LRFN2: variants seen among roughly 807,000 people sequenced by gnomAD.
The protein encoded by LRFN2 is leucine rich repeat and fibronectin type III domain containing 2.
Under a neutral mutation model 37.3 loss-of-function variants are expected in LRFN2, and 18 were observed. The ratio of observed to expected loss-of-function variants is 0.48; its 90% CI spans 0.33 to 0.72. LRFN2 has a LOEUF of 0.72. LRFN2 is among the 30% of genes least tolerant of loss of function. The pLI is 0.02. For synonymous variants in LRFN2, 556 were observed against 466.6 expected (o/e 1.19, Z -2.47); for missense variants, 1,006 against 1,060.7 (o/e 0.95, Z 0.72).
rs185732995 is a variant in LRFN2 at position 40,447,798 on chromosome 6, G to T, written c.-18-14667C>A. Among the ~76,000 whole-genome samples the T allele has an allele frequency of 1.3e-5, 2 of 152,102 alleles. 1 individual carries two copies. Among genetic ancestry groups the T allele is most frequent in the African/African-American group, 4.8e-5 (2 of 41,420 alleles). On this transcript the variant is annotated intron_variant, in intron 1 of 2. Coordinates refer to ENST00000338305, the MANE Select transcript of LRFN2 (RefSeq NM_020737.3). The stretch of plus-strand genomic sequence containing the variant: ...ACTCTGGGTGGCCTACCTAGTAGGT[G>T]GTCCACCTAGTAGGTGGCCCCTCAT...
chr6:40,455,051 TG>T (rs1439725760), intron 1 of LRFN2, among the ~76,000 whole-genome samples: 1 of 152,236 alleles, frequency 6.6e-6, no homozygotes, highest in African/African-American at 2.4e-5. Flanking sequence ...ACTTTTGCAC[TG>T]TTCCCATTTT....
At chr6:40,523,505 ATTTTTTTT>A (rs751179915) in intron 1 of LRFN2, among the ~76,000 whole-genome samples, 66,406 of 129,384 alleles carry the variant, frequency 0.51, 17,408 homozygotes, top group South Asian at 0.66. Flanking sequence ...TCTTTAGGTG[ATTTTTTTT>A]TTTTTTTTTT....
intron 1 of LRFN2, among the ~76,000 whole-genome samples, chr6:40,512,372 A>G (rs1246265179): frequency 1.3e-5 from 2 of 152,158 alleles, no homozygotes; most frequent in African/African-American, 2.4e-5. Flanking sequence ...TTAATCAATA[A>G]CATGTCAAAG....
intron 1 of LRFN2, among the ~76,000 whole-genome samples, chr6:40,451,411 T>C (rs1288412912): frequency 6.6e-6 from 1 of 152,146 alleles, no homozygotes; most frequent in Non-Finnish European, 1.5e-5. Flanking sequence ...CTGGGTTACA[T>C]GCCTCATCTG....
At chr6:40,494,993 A>G (rs187153482) in intron 1 of LRFN2, among the ~76,000 whole-genome samples, 1 of 152,322 alleles carries the variant, frequency 6.6e-6, no homozygotes, top group African/African-American at 2.4e-5. Context: ...GTTAAACCCA[A>G]TCATCCATCT....
At chr6:40,475,074 C>A (rs749465634) in intron 1 of LRFN2, among the ~76,000 whole-genome samples, 24 of 152,158 alleles carry the variant, frequency 1.6e-4, no homozygotes, top group Non-Finnish European at 2.9e-4. Flanking sequence ...CCACAGTGCA[C>A]CCCATATGTG....
intron 1 of LRFN2, among the ~76,000 whole-genome samples, chr6:40,551,997 C>A (rs780931918): frequency 1.5e-4 from 23 of 152,216 alleles, no homozygotes; most frequent in Non-Finnish European, 2.5e-4. Flanking sequence ...TACAAAAATC[C>A]ATTTATACAA....
intron 1 of LRFN2, among the ~76,000 whole-genome samples, chr6:40,466,616 C>A (rs17626116): frequency 0.028 from 4,265 of 152,128 alleles, 107 homozygotes; most frequent in East Asian, 0.088. Flanking sequence ...CTGGGCTGGA[C>A]CTAGCATGAG....
At chr6:40,536,572 A>G (rs1281134463) in intron 1 of LRFN2, among the ~76,000 whole-genome samples, 1 of 152,182 alleles carries the variant, frequency 6.6e-6, no homozygotes, top group African/African-American at 2.4e-5. Context: ...CAAAGCAGGG[A>G]ACATGGGAAA....
intron 2 of LRFN2, 104 bp from the exon 3 acceptor site, chr6:40,393,016 G>T (rs3734555): frequency 4.7e-6 from 4 of 845,908 alleles, no homozygotes; most frequent in Non-Finnish European, 5.4e-6. Flanking sequence ...ATGGGGAGGG[G>T]GAGGGGAGGG....
chr6:40,439,249 C>T (rs1217730854), intron 1 of LRFN2, among the ~76,000 whole-genome samples: 1 of 152,200 alleles, frequency 6.6e-6, no homozygotes, highest in Non-Finnish European at 1.5e-5. Context: ...AAGTAAGATG[C>T]CTGTCTCCGC....
At chr6:40,394,730 C>G (rs892486598) in intron 2 of LRFN2, among the ~76,000 whole-genome samples, 3 of 152,006 alleles carry the variant, frequency 2.0e-5, no homozygotes, top group Non-Finnish European at 4.4e-5. Flanking sequence ...GTGGGAGGGA[C>G]CTGGTGGGAG....
At chr6:40,510,974 G>T (rs529364402) in intron 1 of LRFN2, among the ~76,000 whole-genome samples, 17 of 152,302 alleles carry the variant, frequency 1.1e-4, no homozygotes, top group Admixed American at 1.0e-3. Context: ...ATCCTGTTTT[G>T]CAAGAAGAAA....
chr6:40,533,368 G>T (rs948473826), intron 1 of LRFN2, among the ~76,000 whole-genome samples: 6 of 124,362 alleles, frequency 4.8e-5, no homozygotes, highest in African/African-American at 1.9e-4. Flanking sequence ...CTCCTCTCTT[G>T]CTCAAAACAC....
At chr6:40,428,950 T>C (rs1297283533) in intron 2 of LRFN2, among the ~76,000 whole-genome samples, 2 of 152,212 alleles carry the variant, frequency 1.3e-5, no homozygotes, top group Admixed American at 1.3e-4. Context: ...TTTATACTAC[T>C]ATTATCCTCA....
At chr6:40,527,141 C>A (rs1203825591) in intron 1 of LRFN2, among the ~76,000 whole-genome samples, 3 of 152,214 alleles carry the variant, frequency 2.0e-5, no homozygotes, top group Non-Finnish European at 2.9e-5. Context: ...TTCACTCATC[C>A]TTGAAAGTAA....
At chr6:40,528,046 G>A (rs1021061740) in intron 1 of LRFN2, among the ~76,000 whole-genome samples, 2 of 152,204 alleles carry the variant, frequency 1.3e-5, no homozygotes, top group African/African-American at 4.8e-5. Context: ...AACTGCCCAA[G>A]GTCACACCGC....
At chr6:40,488,039 G>A (rs1453456440) in intron 1 of LRFN2, among the ~76,000 whole-genome samples, 2 of 152,108 alleles carry the variant, frequency 1.3e-5, no homozygotes, top group Non-Finnish European at 2.9e-5. Context: ...CCTAGCCACG[G>A]GTCGAAAAGG....
intron 2 of LRFN2, among the ~76,000 whole-genome samples, chr6:40,411,258 C>T (rs1167988732): frequency 2.0e-5 from 3 of 152,172 alleles, no homozygotes; most frequent in Non-Finnish European, 4.4e-5. Flanking sequence ...AGGAGTCGTC[C>T]CTGCTCTGCT....
Sources: allele counts gnomAD v4.1 joint callset (sites outside exome capture counted in the v4.1 genomes callset), GRCh38; gene constraint gnomAD v4.1.1; transcripts MANE v1.5; gene names NCBI Gene and HGNC (gene_info 2026-07-23, HGNC 2026-07-21).